Variants in KIAA2012 observed in about 807,000 individuals in gnomAD.
The protein encoded by KIAA2012 is KIAA2012.
In KIAA2012, 125 loss-of-function variants were observed where a neutral mutation model predicts 150.6. That is an observed-to-expected ratio of 0.83 (90% CI 0.72 to 0.96). The LOEUF (loss-of-function observed/expected upper bound fraction) is 0.96. KIAA2012 is among the 40% of genes least tolerant of loss of function. The pLI is 0.00. For missense variants in KIAA2012, 1,219 were observed against 1,354.9 expected, an observed-to-expected ratio of 0.90 and a Z score of 1.57; for synonymous variants, 462 against 504.7, an observed-to-expected ratio of 0.92 and a Z score of 1.13.
chr2:202,177,310 T>G (rs1692012217), intron 15 of KIAA2012, among the ~76,000 whole-genome samples: 2 of 152,226 alleles, frequency 1.3e-5, no homozygotes, highest in Non-Finnish European at 2.9e-5. Context: ...ATATGAGGAT[T>G]GATGAATATC....
At chr2:202,147,297 C>G (rs373820090) in intron 13 of KIAA2012, among the ~76,000 whole-genome samples, 4 of 152,310 alleles carry the variant, frequency 2.6e-5, no homozygotes, top group African/African-American at 9.6e-5. Flanking sequence ...CCTCATACCT[C>G]TTTGTGAAAG....
chr2:202,175,591 A>ATGAT (rs1691975426), intron 15 of KIAA2012, among the ~76,000 whole-genome samples: 1 of 152,240 alleles, frequency 6.6e-6, no homozygotes, highest in African/African-American at 2.4e-5. Flanking sequence ...GTGAGGACAC[A>ATGAT]AAAGAAGGTG....
At chr2:202,139,245 A>G (rs1377014483) in intron 13 of KIAA2012, among the ~76,000 whole-genome samples, 1 of 152,098 alleles carries the variant, frequency 6.6e-6, no homozygotes, top group East Asian at 1.9e-4. Context: ...AAAAAAAAAA[A>G]AAAAAAAGAA....
rs1392740911 is a variant in KIAA2012, at chr2:202,130,111, A to C, written c.1831+4829A>C. ...CCCTAAAAAAAAGCTGACTGCTGGG[A>C]CTCGTGATGGAAGTAAGAGAAAGTG... On this transcript the variant is annotated intron_variant, in intron 12 of 23. Coordinates refer to ENST00000498697, the MANE Select transcript of KIAA2012 (RefSeq NM_001277372.4). Among the ~76,000 whole-genome samples the C allele has an allele frequency of 2.6e-5, 4 of 152,164 alleles. No homozygotes were observed. The East Asian group carries it at 7.7e-4, about 29-fold the overall frequency.
intron 14 of KIAA2012, among the ~76,000 whole-genome samples, chr2:202,164,568 A>G (rs569106543): frequency 6.6e-6 from 1 of 152,214 alleles, no homozygotes; most frequent in African/African-American, 2.4e-5. Flanking sequence ...GGATGCCACA[A>G]AAGGCCTGTC....
chr2:202,200,537 A>G (rs1164911877), intron 22 of KIAA2012, among the ~76,000 whole-genome samples: 1 of 152,098 alleles, frequency 6.6e-6, no homozygotes, highest in East Asian at 1.9e-4. Flanking sequence ...GTCCTGCACC[A>G]TTGATTCAAT....
At chr2:202,171,824 AG>A (rs1665233914) in intron 15 of KIAA2012, among the ~76,000 whole-genome samples, 1 of 148,506 alleles carries the variant, frequency 6.7e-6, no homozygotes, top group African/African-American at 2.5e-5. Flanking sequence ...GGTGGAGAAA[AG>A]GGAAGTAATT....
At chr2:202,077,696 G>A (rs1481704257) in intron 2 of KIAA2012, among the ~76,000 whole-genome samples, 1 of 152,162 alleles carries the variant, frequency 6.6e-6, no homozygotes, top group Non-Finnish European at 1.5e-5. Flanking sequence ...AACACACTGG[G>A]CTCAGTGCCT....
rs369474954 is a variant in KIAA2012 at position 202,132,879 on chromosome 2, G to A, written c.1832-5553G>A. Among the ~76,000 whole-genome samples, 12 of 136,718 alleles carry A rather than the reference G, an allele frequency of 8.8e-5. No individual in the cohort carries two copies. In the East Asian group the frequency reaches 1.0e-3, roughly 12 times the overall value. The allele number at this position is 136,718 out of a possible 152,430, so 89.7% of individuals were successfully genotyped here. On this transcript the variant is annotated intron_variant, in intron 12 of 23. Coordinates refer to ENST00000498697, the MANE Select transcript of KIAA2012 (RefSeq NM_001277372.4). ...TGGGAGGCAGAGGTGGGTGGATCACGAGGTCAGGAGATCGAGACCATCCTG... is the reference window on the plus strand; with the variant it reads ...TGGGAGGCAGAGGTGGGTGGATCACAAGGTCAGGAGATCGAGACCATCCTG...
intron 16 of KIAA2012, among the ~76,000 whole-genome samples, chr2:202,186,286 G>A (rs1285197229): frequency 6.6e-6 from 1 of 152,204 alleles, no homozygotes; most frequent in East Asian, 1.9e-4. Flanking sequence ...GCTGAGGCTG[G>A]TGGATCATCT....
At chr2:202,082,000 T>C (rs1187720842) in intron 2 of KIAA2012, among the ~76,000 whole-genome samples, 1 of 152,210 alleles carries the variant, frequency 6.6e-6, no homozygotes, top group Non-Finnish European at 1.5e-5. Context: ...TTCTTTTATT[T>C]TATAATAGCC....
chr2:202,185,298 T>C (rs1692205877), intron 16 of KIAA2012, among the ~76,000 whole-genome samples: 1 of 152,254 alleles, frequency 6.6e-6, no homozygotes, highest in Non-Finnish European at 1.5e-5. Context: ...ACGCGCTTAC[T>C]GTGAGCCCAG....
chr2:202,095,534 C>T (rs955394128), intron 4 of KIAA2012, among the ~76,000 whole-genome samples: 1 of 152,168 alleles, frequency 6.6e-6, no homozygotes, highest in Non-Finnish European at 1.5e-5. Context: ...TGAATCCATG[C>T]CTGAGATATA....
At chr2:202,086,471 A>G (rs1180979806) in intron 2 of KIAA2012, among the ~76,000 whole-genome samples, 2 of 152,222 alleles carry the variant, frequency 1.3e-5, no homozygotes, top group Admixed American at 6.5e-5. Flanking sequence ...CATATGACTG[A>G]GTGAAAAAAT....
chr2:202,139,636 A>G (rs150857826), intron 13 of KIAA2012, among the ~76,000 whole-genome samples: 2,091 of 152,254 alleles, frequency 0.014, 34 homozygotes, highest in Admixed American at 0.024. Flanking sequence ...CTCTGTGACA[A>G]CCCTAGGCCT....
intron 17 of KIAA2012, among the ~76,000 whole-genome samples, chr2:202,187,865 G>C (rs893771810): frequency 6.6e-5 from 10 of 152,180 alleles, no homozygotes; most frequent in Admixed American, 5.9e-4. Flanking sequence ...CTTTGATCCA[G>C]CTCTGTGAAT....
intron 12 of KIAA2012, chr2:202,137,803 T>A (rs943365946): frequency 1.3e-5 from 2 of 152,580 alleles, no homozygotes; most frequent in African/African-American, 2.4e-5. Flanking sequence ...ACATTGACAA[T>A]GACAACATGG....
rs192667277 is a variant in KIAA2012, at chr2:202,189,962, T to A, written c.2492-212T>A. ...CAAAAATTAGCCAGACATGGTGGTG[T>A]GCCTGCAGTCCCAGCTACTCAGGAA... On this transcript the variant is annotated intron_variant, in intron 18 of 23. Coordinates refer to ENST00000498697, the MANE Select transcript of KIAA2012 (RefSeq NM_001277372.4). 3.2e-4 allele frequency among the ~76,000 whole-genome samples: 48 copies of A among 151,950 alleles called. 1 individual carries two copies. Among genetic ancestry groups the A allele is most frequent in the Admixed American group, 7.2e-4 (11 of 15,248 alleles).
chr2:202,110,537 C>A (rs2140030), intron 10 of KIAA2012, among the ~76,000 whole-genome samples: 2 of 152,132 alleles, frequency 1.3e-5, no homozygotes, highest in African/African-American at 4.8e-5. Context: ...GAAGGCTTGG[C>A]CTGCTTTCTC....
Sources: gnomAD v4.1 joint callset for allele counts (sites outside exome capture counted in the v4.1 genomes callset) on GRCh38, gnomAD v4.1.1 for gene constraint, MANE v1.5 for transcripts, NCBI Gene and HGNC (gene_info 2026-07-23, HGNC 2026-07-21) for gene names.